The following CTNNA3 variants were observed in gnomAD, a reference collection of about 807,000 sequenced individuals.
CTNNA3 encodes catenin alpha-3.
In CTNNA3, 76 loss-of-function variants were observed where a neutral mutation model predicts 95.7. That is an observed-to-expected ratio of 0.79 (90% confidence interval 0.66 to 0.96). The LOEUF (loss-of-function observed/expected upper bound fraction) is 0.96. CTNNA3 is among the 40% of genes least tolerant of loss of function. The pLI, the probability that CTNNA3 is intolerant of heterozygous loss-of-function variation, is 0.00. For missense variants in CTNNA3, 1,191 were observed against 1,089.8 expected (o/e 1.09, Z -1.31); for synonymous variants, 431 against 374.4 (o/e 1.15, Z -1.74).
chr10:67,726,048 A>C (rs1426300922), intron 1 of CTNNA3, among the ~76,000 whole-genome samples: 1 of 129,152 alleles, frequency 7.7e-6, no homozygotes, highest in East Asian at 2.2e-4. Flanking sequence ...ATTATATACA[A>C]TTATTAATAT....
At chr10:66,407,348 C>G (rs552375846) in intron 11 of CTNNA3, among the ~76,000 whole-genome samples, 1 of 150,144 alleles carries the variant, frequency 6.7e-6, no homozygotes, top group Non-Finnish European at 1.5e-5. Flanking sequence ...TTTAAAGCAG[C>G]CTATGTGAAT....
At chr10:66,511,729 T>C (rs534065097) in intron 11 of CTNNA3, among the ~76,000 whole-genome samples, 2 of 151,944 alleles carry the variant, frequency 1.3e-5, no homozygotes, top group African/African-American at 4.8e-5. Flanking sequence ...TGAGAATACA[T>C]GGTATAATTG....
intron 7 of CTNNA3, among the ~76,000 whole-genome samples, chr10:67,160,846 G>A (rs764099958): frequency 3.9e-5 from 6 of 152,122 alleles, no homozygotes; most frequent in Non-Finnish European, 7.4e-5. Flanking sequence ...ATATTATTCT[G>A]TATTGAAAAA....
intron 10 of CTNNA3, among the ~76,000 whole-genome samples, chr10:66,614,831 G>A (rs1373151673): frequency 1.3e-5 from 2 of 151,886 alleles, no homozygotes; most frequent in Non-Finnish European, 2.9e-5. Context: ...TTTCTCTCTT[G>A]TGATTTTGGA....
intron 5 of CTNNA3, among the ~76,000 whole-genome samples, chr10:67,309,089 C>T (rs978085618): frequency 3.9e-5 from 6 of 152,096 alleles, no homozygotes; most frequent in African/African-American, 1.4e-4. Flanking sequence ...TATGACTCAT[C>T]TCAAAAAGTT....
At chr10:67,407,517 GC>G (rs1482054612) in intron 5 of CTNNA3, among the ~76,000 whole-genome samples, 1 of 152,152 alleles carries the variant, frequency 6.6e-6, no homozygotes, top group Non-Finnish European at 1.5e-5. Context: ...AGACAAGGAT[GC>G]CCTCTCTTAC....
At chr10:67,455,019 A>G (rs1248338806) in intron 5 of CTNNA3, among the ~76,000 whole-genome samples, 1 of 152,186 alleles carries the variant, frequency 6.6e-6, no homozygotes, top group Non-Finnish European at 1.5e-5. Flanking sequence ...ATTACCTTAA[A>G]TCACTGCATC....
intron 12 of CTNNA3, among the ~76,000 whole-genome samples, chr10:66,354,049 A>C (rs1320367402): frequency 6.6e-6 from 1 of 152,074 alleles, no homozygotes; most frequent in African/African-American, 2.4e-5. Flanking sequence ...TTGGGAAGCC[A>C]AGGCAGGCAG....
intron 5 of CTNNA3, among the ~76,000 whole-genome samples, chr10:67,481,369 C>A (rs1848220676): frequency 6.6e-6 from 1 of 152,098 alleles, no homozygotes; most frequent in African/African-American, 2.4e-5. Flanking sequence ...GATTCTGTAT[C>A]TAGAAAACCC....
intron 15 of CTNNA3, among the ~76,000 whole-genome samples, chr10:66,014,045 G>T (rs1035334226): frequency 6.6e-6 from 1 of 151,928 alleles, no homozygotes; most frequent in Admixed American, 6.6e-5. Flanking sequence ...AGGAATAAAA[G>T]TCTTCTACAG....
chr10:66,077,022 C>T (rs182544513), intron 14 of CTNNA3, among the ~76,000 whole-genome samples: 3 of 151,434 alleles, frequency 2.0e-5, no homozygotes, highest in South Asian at 2.1e-4. Context: ...GGGAGATGGA[C>T]GAAGGAATCT....
chr10:66,602,823 C>A (rs1008249154), intron 10 of CTNNA3, among the ~76,000 whole-genome samples: 1 of 151,972 alleles, frequency 6.6e-6, no homozygotes, highest in Non-Finnish European at 1.5e-5. Context: ...TACAGCATAT[C>A]AACAGAATCA....
At chr10:66,084,931 A>G (rs2080923790) in intron 14 of CTNNA3, 1 of 152,140 alleles carries the variant, frequency 6.6e-6, no homozygotes, top group Non-Finnish European at 1.5e-5. Context: ...CTAATTAGGA[A>G]CTGGTCCCAG....
intron 13 of CTNNA3, among the ~76,000 whole-genome samples, chr10:66,261,000 T>G (rs2090975749): frequency 6.6e-6 from 1 of 152,042 alleles, no homozygotes; most frequent in South Asian, 2.1e-4. Context: ...GGGAGAGTAA[T>G]TTTAAGTTAT....
chr10:67,071,377 T>C (rs865818304), intron 7 of CTNNA3, among the ~76,000 whole-genome samples: 1 of 150,492 alleles, frequency 6.6e-6, no homozygotes, highest in African/African-American at 2.4e-5. Flanking sequence ...ATATTTTCAA[T>C]AGATATATTT....
At chr10:66,814,409 G>T (rs370274255) in intron 7 of CTNNA3, among the ~76,000 whole-genome samples, 6 of 152,216 alleles carry the variant, frequency 3.9e-5, no homozygotes, top group African/African-American at 1.4e-4. Flanking sequence ...CTATGATGAA[G>T]AATTTATATA....
At chr10:66,284,861 G>A (rs1019146716) in intron 12 of CTNNA3, among the ~76,000 whole-genome samples, 2 of 151,792 alleles carry the variant, frequency 1.3e-5, no homozygotes, top group Non-Finnish European at 2.9e-5. Flanking sequence ...AACTGGGAGA[G>A]AATTAATAAT....
At chr10:66,443,615 TGTCTGTTA>T (rs2093392731) in intron 11 of CTNNA3, among the ~76,000 whole-genome samples, 1 of 152,176 alleles carries the variant, frequency 6.6e-6, no homozygotes, top group Non-Finnish European at 1.5e-5. Flanking sequence ...CTGAGGGTCC[TGTCTGTTA>T]GAAGGAAAAC....
chr10:66,719,930 C>T (rs527441230), intron 9 of CTNNA3, among the ~76,000 whole-genome samples: 3 of 152,062 alleles, frequency 2.0e-5, no homozygotes, highest in Non-Finnish European at 4.4e-5. Flanking sequence ...TTTTAGAAAG[C>T]TTTTTCACAA....
Sources: gnomAD v4.1 joint callset for allele counts (sites outside exome capture counted in the v4.1 genomes callset) on GRCh38, gnomAD v4.1.1 for gene constraint, MANE v1.5 for transcripts, NCBI Gene and HGNC (gene_info 2026-07-23, HGNC 2026-07-21) for gene names.